Variants in SLC24A2 observed in about 807,000 individuals in gnomAD.
The protein encoded by SLC24A2 is sodium/potassium/calcium exchanger 2.
Under a neutral mutation model 62.0 loss-of-function variants are expected in SLC24A2, and 36 were observed. The observed-to-expected ratio is 0.58, with a 90% CI of 0.44 to 0.77. The LOEUF is 0.77. Among genes scored for constraint, SLC24A2 ranks in the 30% least tolerant of loss-of-function variants. The probability of loss-of-function intolerance (pLI) is 0.00; values close to 1 mark genes in which losing one functional copy is unlikely to be tolerated. For synonymous variants in SLC24A2, 358 were observed against 294.0 expected (o/e 1.22, Z -2.23); for missense variants, 846 against 817.9 (o/e 1.03, Z -0.42).
At chr9:20,237,593 C>G in the SLC24A2 span, among the ~76,000 whole-genome samples, 3 of 152,184 alleles carry the variant, frequency 2.0e-5, no homozygotes, top group African/African-American at 7.2e-5. Context: ...CCATCTGGAA[C>G]TTGGGAATGA....
intron 2 of SLC24A2, among the ~76,000 whole-genome samples, chr9:19,716,768 T>G (rs1046414851): frequency 6.6e-6 from 1 of 152,216 alleles, no homozygotes; most frequent in African/African-American, 2.4e-5. Context: ...TCTCTTTTCC[T>G]TTCCTATTCT....
the SLC24A2 span, among the ~76,000 whole-genome samples, chr9:20,136,227 T>C: frequency 6.6e-6 from 1 of 152,156 alleles, no homozygotes; most frequent in South Asian, 2.1e-4. Context: ...TAGATAAAGC[T>C]AGAAAACATA....
chr9:20,239,467 C>T, the SLC24A2 span, among the ~76,000 whole-genome samples: 1 of 151,992 alleles, frequency 6.6e-6, no homozygotes, highest in Admixed American at 6.6e-5. Flanking sequence ...TTTAAGGGGG[C>T]CTGGTCAGGG....
At chr9:20,223,406 A>T in the SLC24A2 span, among the ~76,000 whole-genome samples, 1 of 152,154 alleles carries the variant, frequency 6.6e-6, no homozygotes, top group South Asian at 2.1e-4. Flanking sequence ...GGGAGGATCA[A>T]TTGAGGCCAG....
At chr9:19,619,736 G>C (rs772232718) in intron 3 of SLC24A2, 44 bp from the exon 4 acceptor site, 3 of 1,427,488 alleles carry the variant, frequency 2.1e-6, no homozygotes, top group Admixed American at 1.7e-5. Context: ...AGGAATGAAA[G>C]ACAAGTGCAT....
chr9:20,082,643 C>T, the SLC24A2 span, among the ~76,000 whole-genome samples: 14 of 152,340 alleles, frequency 9.2e-5, 1 homozygote. Flanking sequence ...GCCTCCAGCC[C>T]TCCTTTACCA....
At chr9:19,603,808 T>C (rs1487923798) in intron 4 of SLC24A2, among the ~76,000 whole-genome samples, 1 of 152,186 alleles carries the variant, frequency 6.6e-6, no homozygotes, top group African/African-American at 2.4e-5. Flanking sequence ...CTGCACATAC[T>C]GTGATTTTGC....
intron 2 of SLC24A2, among the ~76,000 whole-genome samples, chr9:19,773,752 C>T (rs1482235725): frequency 6.6e-6 from 1 of 152,144 alleles, no homozygotes; most frequent in Non-Finnish European, 1.5e-5. Context: ...TGCTGGCAAA[C>T]CAACATCAGT....
At chr9:19,873,710 GA>G in the SLC24A2 span, among the ~76,000 whole-genome samples, 4 of 151,988 alleles carry the variant, frequency 2.6e-5, no homozygotes, top group Admixed American at 1.3e-4. Flanking sequence ...GTGAATTTTA[GA>G]GACAAAACTC....
At chr9:20,271,025 T>C in the SLC24A2 span, among the ~76,000 whole-genome samples, 13 of 152,142 alleles carry the variant, frequency 8.5e-5, no homozygotes, top group Non-Finnish European at 1.8e-4. Context: ...CTCCTGTCTC[T>C]TGCTTAATCC....
At chr9:20,195,223 T>C in the SLC24A2 span, among the ~76,000 whole-genome samples, 2 of 152,180 alleles carry the variant, frequency 1.3e-5, no homozygotes, top group South Asian at 2.1e-4. Flanking sequence ...TTATAAACAA[T>C]GCTTCAATGT....
the SLC24A2 span, among the ~76,000 whole-genome samples, chr9:20,218,322 T>C: frequency 1.3e-5 from 2 of 152,208 alleles, no homozygotes; most frequent in Admixed American, 6.5e-5. Flanking sequence ...GAACCCTTGC[T>C]ATGTTACTGG....
chr9:20,082,470 T>C, the SLC24A2 span, among the ~76,000 whole-genome samples: 1 of 152,352 alleles, frequency 6.6e-6, no homozygotes, highest in Non-Finnish European at 1.5e-5. Flanking sequence ...GGATTTGCTG[T>C]TCTCCAAATC....
At chr9:20,167,158 G>A in the SLC24A2 span, among the ~76,000 whole-genome samples, 24 of 152,080 alleles carry the variant, frequency 1.6e-4, no homozygotes, top group Non-Finnish European at 3.4e-4. Flanking sequence ...CACTGAATGG[G>A]AAAAATAAAA....
At chr9:19,973,144 C>T in the SLC24A2 span, among the ~76,000 whole-genome samples, 1 of 152,118 alleles carries the variant, frequency 6.6e-6, no homozygotes, top group African/African-American at 2.4e-5. Flanking sequence ...TTGAGGCCAG[C>T]CTGGGCAACA....
the SLC24A2 span, among the ~76,000 whole-genome samples, chr9:19,853,175 C>T: frequency 4.5e-4 from 69 of 152,252 alleles, no homozygotes; most frequent in Admixed American, 9.8e-4. Context: ...TGAGAACTTG[C>T]TGAAGTTGTT....
At chr9:19,800,904 T>A in the SLC24A2 span, among the ~76,000 whole-genome samples, 3 of 152,206 alleles carry the variant, frequency 2.0e-5, no homozygotes, top group Non-Finnish European at 4.4e-5. Flanking sequence ...GGATGAGTCT[T>A]CTCTGCTGAT....
chr9:20,013,675 T>C, the SLC24A2 span, among the ~76,000 whole-genome samples: 3 of 152,114 alleles, frequency 2.0e-5, no homozygotes, highest in African/African-American at 7.2e-5. Context: ...CAGTTGAATA[T>C]CATGTGTCTG....
the SLC24A2 span, among the ~76,000 whole-genome samples, chr9:19,947,808 A>AAAAAGAAAG: frequency 9.4e-4 from 56 of 59,268 alleles, no homozygotes; most frequent in East Asian, 3.5e-3. Flanking sequence ...AAAAAAAAAA[A>AAAAAGAAAG]AAAGAAAGAA....
Sources: allele counts gnomAD v4.1 joint callset (sites outside exome capture counted in the v4.1 genomes callset), GRCh38; gene constraint gnomAD v4.1.1; transcripts MANE v1.5; gene names NCBI Gene and HGNC (gene_info 2026-07-23, HGNC 2026-07-21).